NOL7: variants seen among roughly 807,000 people sequenced by gnomAD.
NOL7 encodes the protein nucleolar protein 7.
In NOL7, 36 loss-of-function variants were observed where a neutral mutation model predicts 38.4. The observed-to-expected ratio is 0.94, with a 90% CI of 0.72 to 1.24. The LOEUF (loss-of-function observed/expected upper bound fraction) is 1.24. Among genes scored for constraint, NOL7 ranks in the 50% most tolerant of loss-of-function variants. NOL7 has a pLI of 0.00. For synonymous variants in NOL7, 142 were observed against 126.5 expected (o/e 1.12, Z -0.82); for missense variants, 350 against 315.1 (o/e 1.11, Z -0.84).
Position 13,617,805 on chromosome 6 carries a change from T to C in NOL7, c.418+4T>C, listed in dbSNP as rs752994875. 5.0e-6 allele frequency: 8 copies of C among 1,612,956 alleles called. No individual in the cohort carries two copies. The highest frequency in any genetic ancestry group is 6.8e-6 in the Non-Finnish European group (8 of 1,179,020). ...TCGCCAGGAAAGGTGAAAGAAGGTA[T>C]GACTATTCTAATTTAACTAACTTCT... On this transcript the variant is annotated splice_donor_region_variant and intron_variant, in intron 4 of 7. Transcript: ENST00000451315.
chr6:13,623,521 AG>A (rs368449214), downstream of NOL7, among the ~76,000 whole-genome samples: 1,027 of 152,302 alleles, frequency 6.7e-3, 7 homozygotes, highest in African/African-American at 0.023. Flanking sequence ...TGTGCAAAAA[AG>A]GGCACATAGA....
At chr6:13,624,723 G>T (rs1430497663), downstream of NOL7, among the ~76,000 whole-genome samples, 5 of 152,026 alleles carry the variant, frequency 3.3e-5, no homozygotes, top group Non-Finnish European at 5.9e-5. Context: ...TCGAATTAGC[G>T]TTTCGCACTT....
chr6:13,616,327 T>C (rs1457153482), intron 2 of NOL7, 136 bp from the exon 3 acceptor site: 2 of 579,340 alleles, frequency 3.5e-6, no homozygotes, highest in Non-Finnish European at 6.0e-6. Flanking sequence ...AGCTTAGAGG[T>C]ATGGGGGCAG....
At position 13,620,817 on chromosome 6, in the gene NOL7, C is replaced by CT; in HGVS notation, c.765dup (p.Lys256Ter). 1 of 1,592,584 alleles carries CT rather than the reference C, an allele frequency of 6.3e-7. No individual in the cohort carries two copies. Among genetic ancestry groups the CT allele is most frequent in the Non-Finnish European group, 8.6e-7 (1 of 1,167,860 alleles). ...CGGTGGATGGTCAGAAAGATGAAAA[C>CT]TAAGAAGTAAATCAATGCTAAATGA... On this transcript the variant is annotated frameshift_variant, in exon 8 of 8. Transcript: ENST00000451315. LOFTEE classifies it high-confidence loss of function.
At chr6:13,628,926 C>A (rs1401885651) in intron 8 of NOL7, among the ~76,000 whole-genome samples, 3 of 152,134 alleles carry the variant, frequency 2.0e-5, no homozygotes, top group Non-Finnish European at 2.9e-5. Context: ...GCAGTGAGAG[C>A]CACAATAATG....
chr6:13,622,592 TC>T, downstream of NOL7: 2 of 1,219,400 alleles, frequency 1.6e-6, no homozygotes, highest in South Asian at 3.9e-5. Flanking sequence ...AAACTACCAC[TC>T]CCATACCACT....
At chr6:13,627,509 A>C (rs1764642699) in intron 8 of NOL7, among the ~76,000 whole-genome samples, 1 of 151,810 alleles carries the variant, frequency 6.6e-6, no homozygotes, top group Admixed American at 6.6e-5. Flanking sequence ...GCATGCCTCT[A>C]ATCTCAGCTA....
Position 13,621,117 on chromosome 6 carries a change from G to A in NOL7, c.*290G>A, listed in dbSNP as rs1023941329. On this transcript the variant is annotated 3_prime_UTR_variant, in exon 8 of 8. Coordinates refer to ENST00000451315, the MANE Select transcript of NOL7 (RefSeq NM_016167.5). ...GTTAGAGGGGTGGCAAAAATGGCAC[G>A]GACTAAAAGGAGAAATGGATATTCC... 5 of 188,736 alleles carry A rather than the reference G, an allele frequency of 2.6e-5. No homozygotes were observed. The highest frequency in any genetic ancestry group is 5.8e-5 in the Admixed American group (1 of 17,328). The allele number at this position is 188,736 out of a possible 1,614,324, so 11.7% of individuals were successfully genotyped here.
intron 5 of NOL7, 90 bp from the exon 6 acceptor site, chr6:13,620,118 G>A: frequency 7.2e-7 from 1 of 1,396,992 alleles, no homozygotes; most frequent in Non-Finnish European, 9.6e-7. Flanking sequence ...CGCGCAGCCT[G>A]GGTGACAGAG....
Position 13,615,700 on chromosome 6 carries a change from C to T in NOL7, c.267-12C>T. 3 of 1,614,176 alleles carry T rather than the reference C, an allele frequency of 1.9e-6. No homozygotes were observed. The South Asian group carries it at 3.3e-5, about 18-fold the overall frequency. On this transcript the variant is annotated splice_polypyrimidine_tract_variant and intron_variant, in intron 1 of 7. Coordinates refer to ENST00000451315, the MANE Select transcript of NOL7 (RefSeq NM_016167.5). ...GTCCTTCCCTTTGCTGACTTATCAC[C>T]CTTCCTCCCAGGGATAAAACGCTCC... is the stretch of plus-strand genomic sequence containing the variant.
intron 8 of NOL7, among the ~76,000 whole-genome samples, chr6:13,632,096 G>A (rs1323114838): frequency 7.7e-6 from 1 of 129,696 alleles, no homozygotes; most frequent in Non-Finnish European, 1.6e-5. Flanking sequence ...ATGTTGATAA[G>A]CACTAGCACT....
chr6:13,622,066 T>G, downstream of NOL7: 2 of 172,592 alleles, frequency 1.2e-5, no homozygotes, highest in Non-Finnish European at 1.2e-5. Flanking sequence ...AAGGCAGGAT[T>G]TTTGGTTTCT....
At chr6:13,616,547 CTTGCTTATATACACCCATCT>C (rs1562289744) in intron 3 of NOL7, 26 bp downstream of exon 3, 1 of 1,501,966 alleles carries the variant, frequency 6.7e-7, no homozygotes, top group Admixed American at 1.7e-5. Context: ...TTTTATATTA[CTTGCTTATATACACCCATCT>C]TTGAATTATA....
chr6:13,632,310 C>G, intron 8 of NOL7: 1 of 1,547,558 alleles, frequency 6.5e-7, no homozygotes, highest in East Asian at 2.3e-5. Flanking sequence ...CAGTGTTTCA[C>G]AAAACTACAT....
At chr6:13,619,704 A>G (rs1764384319) in intron 5 of NOL7, among the ~76,000 whole-genome samples, 4 of 152,214 alleles carry the variant, frequency 2.6e-5, no homozygotes, top group Admixed American at 2.6e-4. Context: ...GATCTATCTG[A>G]GATGCTGATT....
rs991074653 is a variant in NOL7 at position 13,620,937 on chromosome 6, A to G, written c.*110A>G. The G allele has an allele frequency of 3.0e-6, 2 of 672,034 alleles. No individual in the cohort carries two copies. Among genetic ancestry groups the G allele is most frequent in the Non-Finnish European group, 4.9e-6 (2 of 408,858 alleles). The allele number at this position is 672,034 out of a possible 1,614,324, so 41.6% of individuals were successfully genotyped here. A position where few individuals can be genotyped will look rare whatever the true frequency, so the allele number is the denominator to read the frequency against. On this transcript the variant is annotated 3_prime_UTR_variant, in exon 8 of 8. Coordinates refer to ENST00000451315, the MANE Select transcript of NOL7 (RefSeq NM_016167.5). ...TAAAAATCATAAACCTATTTGAGGA[A>G]GTGCTCAACCACATTTCATTCTTCT...
intron 8 of NOL7, chr6:13,632,357 A>C: frequency 6.2e-7 from 1 of 1,606,762 alleles, no homozygotes; most frequent in Non-Finnish European, 8.5e-7. Flanking sequence ...TTTTCAAGAA[A>C]AAATATATTC....
downstream of NOL7, chr6:13,622,326 T>C: frequency 6.8e-7 from 1 of 1,467,478 alleles, no homozygotes; most frequent in Non-Finnish European, 9.1e-7. Context: ...GTTGACTATA[T>C]GCCACAATAT....
At chr6:13,631,215 G>GT (rs2127761001) in intron 8 of NOL7, among the ~76,000 whole-genome samples, 1 of 152,212 alleles carries the variant, frequency 6.6e-6, no homozygotes, top group South Asian at 2.1e-4. Flanking sequence ...AGAAACAGCA[G>GT]TTTTTATACT....
Sources: gnomAD v4.1 joint callset for allele counts (sites outside exome capture counted in the v4.1 genomes callset) on GRCh38, gnomAD v4.1.1 for gene constraint, MANE v1.5 for transcripts, NCBI Gene and HGNC (gene_info 2026-07-23, HGNC 2026-07-21) for gene names.